The following MYLK variants were observed in gnomAD, a reference collection of about 807,000 sequenced individuals.
MYLK encodes myosin light chain kinase, smooth muscle.
MYLK carries 106 observed loss-of-function variants against 203.4 expected under a neutral mutation model. The ratio of observed to expected loss-of-function variants is 0.52; its 90% CI spans 0.45 to 0.61. The LOEUF (loss-of-function observed/expected upper bound fraction) is 0.61. Among genes scored for constraint, MYLK ranks in the 20% least tolerant of loss-of-function variants. The pLI is 0.00. For missense variants in MYLK, 2,072 were observed against 2,442.3 expected (o/e 0.85, Z 3.20); for synonymous variants, 867 against 959.5 (o/e 0.90, Z 1.78).
chr3:123,839,949 C>T (rs1438341168), intron 2 of MYLK, among the ~76,000 whole-genome samples: 1 of 152,012 alleles, frequency 6.6e-6, no homozygotes, highest in Non-Finnish European at 1.5e-5. Flanking sequence ...CCAAATAACT[C>T]ACAGTTCAAA....
At chr3:123,697,552 G>A (rs549654687) in intron 18 of MYLK, among the ~76,000 whole-genome samples, 37 of 152,176 alleles carry the variant, frequency 2.4e-4, no homozygotes, top group African/African-American at 8.2e-4. Context: ...GTCTAGGCAC[G>A]GGAACTCAGC....
intron 2 of MYLK, among the ~76,000 whole-genome samples, chr3:123,839,735 G>A (rs2066548729): frequency 6.6e-6 from 1 of 152,090 alleles, no homozygotes; most frequent in Non-Finnish European, 1.5e-5. Flanking sequence ...CCCAACAAAT[G>A]CAAAATATAC....
chr3:123,738,794 A>C, intron 7 of MYLK, 103 bp downstream of exon 7: 1 of 1,461,778 alleles, frequency 6.8e-7, no homozygotes, highest in East Asian at 2.5e-5. Flanking sequence ...AGTCCATTAA[A>C]CCTCTTTCCT....
intron 4 of MYLK, among the ~76,000 whole-genome samples, chr3:123,765,952 A>G (rs1407226735): frequency 6.6e-6 from 1 of 152,176 alleles, no homozygotes; most frequent in African/African-American, 2.4e-5. Context: ...ATGGGTGGGA[A>G]CTTTCAGTTT....
In MYLK at chr3:123,844,136, G is replaced by T. The variant is rs2066655532; in HGVS notation, c.-126-12466C>A. The stretch of plus-strand genomic sequence containing the variant: ...TGAGGTGTCCTCTTTAGTCACATAA[G>T]CCTCTCCCATACCTATTAAACAGAG... On this transcript the variant is annotated intron_variant, in intron 2 of 33. Transcript: ENST00000360304. Among the ~76,000 whole-genome samples the T allele has an allele frequency of 4.6e-5, 7 of 152,240 alleles. No individual in the cohort carries two copies. In the South Asian group the frequency reaches 1.5e-3, roughly 32 times the overall value.
At chr3:123,879,886 C>T (rs1260933063) in intron 1 of MYLK, among the ~76,000 whole-genome samples, 1 of 152,120 alleles carries the variant, frequency 6.6e-6, no homozygotes, top group African/African-American at 2.4e-5. Context: ...AATCTCCTCA[C>T]CTTGTGATCC....
At chr3:123,699,605 C>T (rs776044003) in intron 18 of MYLK, among the ~76,000 whole-genome samples, 3 of 152,242 alleles carry the variant, frequency 2.0e-5, no homozygotes, top group Non-Finnish European at 2.9e-5. Flanking sequence ...AGAGCTTCTC[C>T]CTGGCTCCAG....
intron 29 of MYLK, 119 bp downstream of exon 29, chr3:123,637,952 G>C (rs573560865): frequency 1.4e-6 from 2 of 1,478,912 alleles, no homozygotes; most frequent in Admixed American, 1.8e-5. Context: ...CTGACTCTGG[G>C]GGGGGCTCCC....
chr3:123,690,192 T>A (rs2108506418), intron 19 of MYLK, among the ~76,000 whole-genome samples: 1 of 152,266 alleles, frequency 6.6e-6, no homozygotes, highest in Admixed American at 6.5e-5. Flanking sequence ...GAAGGCCTGG[T>A]TCTATGCAGA....
chr3:123,851,378 A>C (rs1489904852), intron 2 of MYLK, among the ~76,000 whole-genome samples: 3 of 152,180 alleles, frequency 2.0e-5, no homozygotes, highest in Non-Finnish European at 2.9e-5. Flanking sequence ...ACCCATAAGC[A>C]TGGAAGGTCC....
intron 2 of MYLK, among the ~76,000 whole-genome samples, chr3:123,858,140 A>G (rs996935907): frequency 3.3e-5 from 5 of 152,138 alleles, no homozygotes; most frequent in Non-Finnish European, 7.4e-5. Context: ...TCTGCTTGTC[A>G]TGCTTATGTT....
Position 123,620,350 on chromosome 3 carries a change from A to G in MYLK, c.5239-14T>C. The G allele has an allele frequency of 6.2e-7, 1 of 1,614,004 alleles. No homozygotes were observed. The highest frequency in any genetic ancestry group is 8.5e-7 in the Non-Finnish European group (1 of 1,179,960). ...ATTGCCCGTTTTCTGGAAAATAGAC[A>G]CGAGGGTTGGACTCAGGCGTTGTCC... On this transcript the variant is annotated splice_polypyrimidine_tract_variant and intron_variant, in intron 31 of 33. Coordinates refer to ENST00000360304, the MANE Select transcript of MYLK (RefSeq NM_053025.4).
At position 123,629,794 on chromosome 3, in the gene MYLK, G is replaced by A. The variant is rs769962460; in HGVS notation, c.4962-168C>T. ...TCCACTTGTGGAAAGAAAAGAGGGT[G>A]TGGTTCACAGCCCTGTCTTTTCTTG... On this transcript the variant is annotated intron_variant, in intron 29 of 33. Transcript: ENST00000360304. The surrounding 1 kb of genome is among the most constrained non-coding windows in gnomAD (Gnocchi z 4.4). The A allele has an allele frequency of 3.0e-5, 20 of 676,372 alleles. No homozygotes were observed. Among genetic ancestry groups the A allele is most frequent in the Non-Finnish European group, 4.3e-5 (17 of 393,530 alleles). The allele number at this position is 676,372 out of a possible 1,614,324, so 41.9% of individuals were successfully genotyped here.
At chr3:123,799,000 T>C (rs371464818) in intron 3 of MYLK, among the ~76,000 whole-genome samples, 27 of 152,304 alleles carry the variant, frequency 1.8e-4, no homozygotes, top group African/African-American at 6.5e-4. Context: ...ATTTCTACAA[T>C]AATTTCTCTA....
At chr3:123,846,356 C>T (rs2029987917) in intron 2 of MYLK, among the ~76,000 whole-genome samples, 2 of 152,168 alleles carry the variant, frequency 1.3e-5, no homozygotes, top group Non-Finnish European at 2.9e-5. Flanking sequence ...CTATTCTTTT[C>T]ATATCCTCCT....
chr3:123,678,586 C>T (rs577342528), intron 20 of MYLK, among the ~76,000 whole-genome samples: 1 of 151,980 alleles, frequency 6.6e-6, no homozygotes, highest in Non-Finnish European at 1.5e-5. Context: ...AGGCTCACCT[C>T]AGGAAAGATG....
chr3:123,840,012 AG>A (rs2066554222), intron 2 of MYLK, among the ~76,000 whole-genome samples: 1 of 152,148 alleles, frequency 6.6e-6, no homozygotes. Context: ...GGACATAAAA[AG>A]GCACAATATG....
chr3:123,804,432 T>G (rs1047545626), intron 3 of MYLK, among the ~76,000 whole-genome samples: 3 of 152,084 alleles, frequency 2.0e-5, no homozygotes, highest in Non-Finnish European at 1.5e-5. Flanking sequence ...AACAGTGGTC[T>G]GTGAGAAGCC....
intron 2 of MYLK, among the ~76,000 whole-genome samples, chr3:123,874,095 T>G (rs2148715454): frequency 6.6e-6 from 1 of 152,238 alleles, no homozygotes; most frequent in Middle Eastern, 3.4e-3. Context: ...ATAGATTCAA[T>G]GCAATACCAA....
Sources: gnomAD v4.1 joint callset for allele counts (sites outside exome capture counted in the v4.1 genomes callset) on GRCh38, gnomAD v4.1.1 for gene constraint, Gnocchi (gnomAD v3.1) non-coding constraint, MANE v1.5 for transcripts, NCBI Gene and HGNC (gene_info 2026-07-23, HGNC 2026-07-21) for gene names.